Variants in IDO2 observed in about 807,000 individuals in gnomAD.
IDO2 encodes the protein indoleamine 2,3-dioxygenase-like 1 protein.
IDO2 carries 46 observed loss-of-function variants against 45.1 expected under a neutral mutation model. That is an observed-to-expected ratio of 1.02 (90% CI 0.80 to 1.30). The LOEUF (loss-of-function observed/expected upper bound fraction) is 1.30. Among genes scored for constraint, IDO2 ranks in the 50% most tolerant of loss-of-function variants. The pLI, the probability that IDO2 is intolerant of heterozygous loss-of-function variation, is 0.00. For missense variants in IDO2, 544 were observed against 491.8 expected, an observed-to-expected ratio of 1.11 and a Z score of -1.00; for synonymous variants, 218 against 184.9, an observed-to-expected ratio of 1.18 and a Z score of -1.45.
At chr8:39,974,188 G>A (rs1193868188) in intron 3 of IDO2, among the ~76,000 whole-genome samples, 1 of 152,152 alleles carries the variant, frequency 6.6e-6, no homozygotes, top group East Asian at 1.9e-4. Flanking sequence ...ATGGCATCAG[G>A]GCAGCAATAA....
At chr8:39,957,787 T>C (rs1585400136) in intron 2 of IDO2, among the ~76,000 whole-genome samples, 2 of 152,254 alleles carry the variant, frequency 1.3e-5, no homozygotes, top group African/African-American at 4.8e-5. Flanking sequence ...ACCTTTGATT[T>C]CATTTAAAAT....
chr8:39,977,852 C>T (rs2129594318), intron 3 of IDO2, among the ~76,000 whole-genome samples: 1 of 152,254 alleles, frequency 6.6e-6, no homozygotes, highest in Non-Finnish European at 1.5e-5. Flanking sequence ...TTATGGGGTA[C>T]ATGAGATGTT....
chr8:39,956,634 T>C (rs1200943805), intron 2 of IDO2, among the ~76,000 whole-genome samples: 1 of 152,208 alleles, frequency 6.6e-6, no homozygotes, highest in Non-Finnish European at 1.5e-5. Context: ...AATTGATTTT[T>C]TCTTATTCCC....
At chr8:39,942,180 G>T (rs1313711327) in intron 1 of IDO2, among the ~76,000 whole-genome samples, 1 of 152,220 alleles carries the variant, frequency 6.6e-6, no homozygotes, top group Non-Finnish European at 1.5e-5. Context: ...TATATGGTAG[G>T]TGCTTCGCTT....
At chr8:39,935,824 T>C (rs1344204456) in intron 1 of IDO2, among the ~76,000 whole-genome samples, 1 of 152,224 alleles carries the variant, frequency 6.6e-6, no homozygotes, top group Non-Finnish European at 1.5e-5. Context: ...TGGCAGATTA[T>C]GAAATAGCAA....
intron 8 of IDO2, among the ~76,000 whole-genome samples, chr8:39,990,773 C>G (rs1443026271): frequency 6.6e-6 from 1 of 152,188 alleles, no homozygotes; most frequent in East Asian, 1.9e-4. Context: ...CATTAGGGAG[C>G]CTCTCCCTGT....
chr8:39,951,539 A>C (rs1395511814), intron 2 of IDO2, among the ~76,000 whole-genome samples: 1 of 152,128 alleles, frequency 6.6e-6, no homozygotes, highest in African/African-American at 2.4e-5. Context: ...TGAATTACAA[A>C]CATCCCCTGA....
At chr8:39,973,971 C>T (rs1049210541) in intron 3 of IDO2, among the ~76,000 whole-genome samples, 1 of 152,028 alleles carries the variant, frequency 6.6e-6, no homozygotes, top group African/African-American at 2.4e-5. Context: ...AATTCCTGAC[C>T]TCAAGTGATC....
intron 3 of IDO2, among the ~76,000 whole-genome samples, chr8:39,978,646 G>A (rs927524052): frequency 6.6e-6 from 1 of 152,128 alleles, no homozygotes; most frequent in Non-Finnish European, 1.5e-5. Flanking sequence ...GGCTGTTGCA[G>A]GGTCAGCGAT....
intron 2 of IDO2, among the ~76,000 whole-genome samples, chr8:39,956,413 G>A (rs936534412): frequency 8.5e-5 from 13 of 152,094 alleles, no homozygotes; most frequent in African/African-American, 2.4e-4. Flanking sequence ...TCATCTATCC[G>A]TTGATATAGC....
At chr8:39,994,595 A>T (rs1229538755) in intron 8 of IDO2, among the ~76,000 whole-genome samples, 1 of 152,062 alleles carries the variant, frequency 6.6e-6, no homozygotes, top group Non-Finnish European at 1.5e-5. Context: ...TGAGGAAGTT[A>T]CTAAACTCCG....
At chr8:39,950,759 G>A (rs1807802940) in intron 2 of IDO2, among the ~76,000 whole-genome samples, 1 of 152,056 alleles carries the variant, frequency 6.6e-6, no homozygotes, top group African/African-American at 2.4e-5. Flanking sequence ...ATTGGATAAG[G>A]GAACAGAACA....
intron 9 of IDO2, among the ~76,000 whole-genome samples, chr8:40,010,946 C>T (rs189358442): frequency 2.6e-5 from 4 of 152,278 alleles, no homozygotes; most frequent in East Asian, 3.9e-4. Context: ...CAGTCTTGCT[C>T]TTTCGCCCAA....
At chr8:39,957,374 G>C (rs1470640061) in intron 2 of IDO2, among the ~76,000 whole-genome samples, 1 of 152,134 alleles carries the variant, frequency 6.6e-6, no homozygotes, top group Admixed American at 6.6e-5. Context: ...CATTTTGGGA[G>C]GCTGAGGCAG....
At chr8:40,003,301 C>T (rs540910774) in intron 8 of IDO2, among the ~76,000 whole-genome samples, 3 of 140,864 alleles carry the variant, frequency 2.1e-5, no homozygotes, top group South Asian at 2.3e-4. Context: ...ACCAAGGAGG[C>T]GGAGGTTGCA....
intron 1 of IDO2, among the ~76,000 whole-genome samples, chr8:39,946,087 G>A (rs144321583): frequency 4.2e-4 from 64 of 152,278 alleles, no homozygotes; most frequent in African/African-American, 1.4e-3. Flanking sequence ...ACAAGATTCT[G>A]ACTCTCCCTA....
intron 8 of IDO2, among the ~76,000 whole-genome samples, chr8:39,996,455 G>C (rs1391330205): frequency 6.6e-6 from 1 of 152,134 alleles, no homozygotes; most frequent in Non-Finnish European, 1.5e-5. Context: ...CCTGTCATTG[G>C]AGACGACTCA....
chr8:39,945,635 T>A (rs1160215320), intron 1 of IDO2, among the ~76,000 whole-genome samples: 1 of 152,118 alleles, frequency 6.6e-6, no homozygotes, highest in Non-Finnish European at 1.5e-5. Context: ...CCTACAAGGG[T>A]ATAACGAGGA....
intron 1 of IDO2, among the ~76,000 whole-genome samples, chr8:39,939,136 G>C (rs1324365837): frequency 1.3e-5 from 2 of 151,816 alleles, no homozygotes; most frequent in African/African-American, 2.4e-5. Context: ...CCTGCTACTC[G>C]GGAGTCTGAG....
Sources: allele counts gnomAD v4.1 joint callset (sites outside exome capture counted in the v4.1 genomes callset), GRCh38; gene constraint gnomAD v4.1.1; transcripts MANE v1.5; gene names NCBI Gene and HGNC (gene_info 2026-07-23, HGNC 2026-07-21).